The following RASGEF1C variants were observed in gnomAD, a reference collection of about 807,000 sequenced individuals.
RASGEF1C encodes ras-GEF domain-containing family member 1C.
Under a neutral mutation model 58.1 loss-of-function variants are expected in RASGEF1C, and 27 were observed. The observed-to-expected ratio is 0.46, with a 90% CI of 0.34 to 0.64. RASGEF1C has a LOEUF of 0.64. Among genes scored for constraint, RASGEF1C ranks in the 30% least tolerant of loss-of-function variants. The probability of loss-of-function intolerance (pLI) is 0.01; values close to 1 mark genes in which losing one functional copy is unlikely to be tolerated. For missense variants in RASGEF1C, 502 were observed against 605.1 expected, an observed-to-expected ratio of 0.83 and a Z score of 1.79; for synonymous variants, 243 against 246.3, an observed-to-expected ratio of 0.99 and a Z score of 0.13.
At chr5:180,162,510 G>A (rs1269877131) in intron 1 of RASGEF1C, among the ~76,000 whole-genome samples, 2 of 152,210 alleles carry the variant, frequency 1.3e-5, no homozygotes, top group South Asian at 2.1e-4. Flanking sequence ...AGACCCAGGC[G>A]GCAGCCTCAG....
intron 1 of RASGEF1C, among the ~76,000 whole-genome samples, chr5:180,200,548 T>C (rs1426547326): frequency 5.3e-5 from 8 of 151,736 alleles, no homozygotes; most frequent in East Asian, 2.0e-4. Flanking sequence ...CTCCTGACCT[T>C]GTGATCCGCC....
chr5:180,135,029 C>CT (rs145248998), intron 4 of RASGEF1C, among the ~76,000 whole-genome samples: 1 of 134,342 alleles, frequency 7.4e-6, no homozygotes, highest in African/African-American at 2.6e-5. Context: ...CACCCCATCC[C>CT]GTTTCCGCTG....
At chr5:180,128,694 C>A in intron 4 of RASGEF1C, 84 bp from the exon 5 acceptor site, 1 of 1,365,448 alleles carries the variant, frequency 7.3e-7, no homozygotes, top group Non-Finnish European at 1.0e-6. Context: ...ACCTGGGCTC[C>A]AAAGGGAGGG....
At chr5:180,134,517 T>G (rs1393591178) in intron 4 of RASGEF1C, among the ~76,000 whole-genome samples, 2 of 151,566 alleles carry the variant, frequency 1.3e-5, no homozygotes, top group Non-Finnish European at 2.9e-5. Context: ...TCTCACCCCC[T>G]GTAGACCATC....
rs190975349 is a variant in RASGEF1C, at chr5:180,137,347, G to A, written c.300+243C>T. ...GATGGGTCCTACTGACCGGGCTCCG[G>A]ATACTCAGGTCTGGGCTTAATGGGC... On this transcript the variant is annotated intron_variant, in intron 3 of 13. Transcript: ENST00000361132. The surrounding 1 kb of genome is among the most constrained non-coding windows in gnomAD (Gnocchi z 4.1). Among the ~76,000 whole-genome samples the A allele has an allele frequency of 1.7e-3, 252 of 152,306 alleles. No individual in the cohort carries two copies. Among genetic ancestry groups the A allele is most frequent in the Middle Eastern group, 3.4e-3 (1 of 294 alleles).
At chr5:180,161,595 G>C (rs1372021606) in intron 1 of RASGEF1C, among the ~76,000 whole-genome samples, 1 of 152,230 alleles carries the variant, frequency 6.6e-6, no homozygotes, top group Non-Finnish European at 1.5e-5. Context: ...TGGGATCCGG[G>C]GCTGTGAGGG....
chr5:180,132,781 C>T (rs1265459873), intron 4 of RASGEF1C, among the ~76,000 whole-genome samples: 3 of 152,048 alleles, frequency 2.0e-5, no homozygotes, highest in African/African-American at 7.2e-5. Flanking sequence ...CAAGCCTGGC[C>T]AACATAGTGA....
At chr5:180,188,552 C>T (rs569136286) in intron 1 of RASGEF1C, among the ~76,000 whole-genome samples, 1 of 152,154 alleles carries the variant, frequency 6.6e-6, no homozygotes, top group Non-Finnish European at 1.5e-5. Flanking sequence ...AAGAGAAGTT[C>T]CCCAACTGGA....
At chr5:180,163,711 T>A (rs1561747881) in intron 1 of RASGEF1C, among the ~76,000 whole-genome samples, 1 of 152,206 alleles carries the variant, frequency 6.6e-6, no homozygotes, top group Non-Finnish European at 1.5e-5. Flanking sequence ...TTGCTAAAGA[T>A]TTTTGTTCAT....
intron 1 of RASGEF1C, among the ~76,000 whole-genome samples, chr5:180,208,823 A>AG (rs1294928141): frequency 6.6e-6 from 1 of 151,458 alleles, no homozygotes; most frequent in Non-Finnish European, 1.5e-5. Flanking sequence ...GTGTGCCCTC[A>AG]GGGTACCCTA....
chr5:180,130,501 C>T (rs1053113949), intron 4 of RASGEF1C, among the ~76,000 whole-genome samples: 163 of 152,326 alleles, frequency 1.1e-3, no homozygotes, highest in African/African-American at 3.6e-3. Context: ...CAGAGTCCCA[C>T]GAGTGGCTAC....
chr5:180,157,627 CAA>C (rs71001077), intron 1 of RASGEF1C, among the ~76,000 whole-genome samples: 3 of 131,384 alleles, frequency 2.3e-5, no homozygotes, highest in African/African-American at 8.5e-5. Context: ...AACTCCGTCT[CAA>C]AAAAAAAAAA....
intron 1 of RASGEF1C, among the ~76,000 whole-genome samples, chr5:180,192,804 TC>T (rs1756189723): frequency 6.6e-6 from 1 of 150,924 alleles, no homozygotes; most frequent in Admixed American, 6.6e-5. Context: ...GAGTGCAGTG[TC>T]GCAATCTCGG....
chr5:180,204,322 T>C (rs887332080), intron 1 of RASGEF1C, among the ~76,000 whole-genome samples: 11 of 152,234 alleles, frequency 7.2e-5, no homozygotes, highest in South Asian at 2.1e-4. Flanking sequence ...TTGGGTCATA[T>C]GGTATTTTTA....
At chr5:180,147,971 C>T (rs1450931144) in intron 1 of RASGEF1C, among the ~76,000 whole-genome samples, 2 of 152,140 alleles carry the variant, frequency 1.3e-5, no homozygotes, top group African/African-American at 4.8e-5. Flanking sequence ...TACTATAGAG[C>T]TGTCCATTTC....
At position 180,180,522 on chromosome 5, in the gene RASGEF1C, G is replaced by A. The variant is rs563219143; in HGVS notation, c.-7+28506C>T. On this transcript the variant is annotated intron_variant, in intron 1 of 13. Coordinates refer to ENST00000361132, the MANE Select transcript of RASGEF1C (RefSeq NM_175062.4). Reference sequence around the variant, plus strand: ...TGTACCTCACTTCACAGTTTGCAGAGTCCTTTCAGAGATGTCATTGCTCCT... The same window carrying A: ...TGTACCTCACTTCACAGTTTGCAGAATCCTTTCAGAGATGTCATTGCTCCT... Among the ~76,000 whole-genome samples, 15 of 152,320 alleles carry A rather than the reference G, an allele frequency of 9.8e-5. 1 individual carries two copies. The highest frequency in any genetic ancestry group is 8.5e-4 in the Admixed American group (13 of 15,298).
chr5:180,199,090 C>T (rs1756333498), intron 1 of RASGEF1C, among the ~76,000 whole-genome samples: 1 of 152,162 alleles, frequency 6.6e-6, no homozygotes, highest in South Asian at 2.1e-4. Flanking sequence ...CCACCTGCCA[C>T]CCCCTGCTGG....
In RASGEF1C at chr5:180,175,857, G is replaced by A. The variant is rs373584113; in HGVS notation, c.-7+33171C>T. Among the ~76,000 whole-genome samples, 574 of 152,176 alleles carry A rather than the reference G, an allele frequency of 3.8e-3. 3 individuals are homozygous for A. Among genetic ancestry groups the A allele is most frequent in the African/African-American group, 0.013 (536 of 41,536 alleles). ...TAAAAAATTAGCCGGGCGCAGTGGCGGGCGCCTGTAGTCCCAGCTACTCGG... is the reference window on the plus strand; with the variant it reads ...TAAAAAATTAGCCGGGCGCAGTGGCAGGCGCCTGTAGTCCCAGCTACTCGG... On this transcript the variant is annotated intron_variant, in intron 1 of 13. Transcript: ENST00000361132.
At position 180,189,183 on chromosome 5, in the gene RASGEF1C, C is replaced by G. The variant is rs1380321835; in HGVS notation, c.-7+19845G>C. Among the ~76,000 whole-genome samples the G allele has an allele frequency of 2.0e-5, 3 of 152,158 alleles. No individual in the cohort carries two copies. In the East Asian group the frequency reaches 5.8e-4, roughly 29 times the overall value. On this transcript the variant is annotated intron_variant, in intron 1 of 13. Transcript: ENST00000361132. Reference sequence around the variant, plus strand: ...TGTTGGAAATGGAAATTTAAAAACACTATTTACACTACATAAAAAATGAAA... The same window carrying G: ...TGTTGGAAATGGAAATTTAAAAACAGTATTTACACTACATAAAAAATGAAA...
Sources: gnomAD v4.1 joint callset for allele counts (sites outside exome capture counted in the v4.1 genomes callset) on GRCh38, gnomAD v4.1.1 for gene constraint, Gnocchi (gnomAD v3.1) non-coding constraint, MANE v1.5 for transcripts, NCBI Gene and HGNC (gene_info 2026-07-23, HGNC 2026-07-21) for gene names.